TMCO4: variants seen among roughly 807,000 people sequenced by gnomAD.
TMCO4 encodes the protein transmembrane and coiled-coil domain-containing protein 4.
Under a neutral mutation model 64.7 loss-of-function variants are expected in TMCO4, and 58 were observed. That is an observed-to-expected ratio of 0.90 (90% confidence interval 0.73 to 1.12). The LOEUF (loss-of-function observed/expected upper bound fraction) is 1.12, where lower values mean the gene tolerates loss of function less well. Ranked by LOEUF, TMCO4 falls within the 50% of genes most tolerant of loss-of-function variation. The pLI, the probability that TMCO4 is intolerant of heterozygous loss-of-function variation, is 0.00. For missense variants in TMCO4, 780 were observed against 825.9 expected, an observed-to-expected ratio of 0.94 and a Z score of 0.68; for synonymous variants, 325 against 346.1, an observed-to-expected ratio of 0.94 and a Z score of 0.68.
intron 13 of TMCO4, among the ~76,000 whole-genome samples, chr1:19,714,944 T>TA (rs1172416453): frequency 1.3e-5 from 2 of 151,490 alleles, no homozygotes; most frequent in Non-Finnish European, 2.9e-5. Flanking sequence ...AATAAATAAA[T>TA]AAAAAATAAA....
chr1:19,799,587 C>T (rs764340761), intron 1 of TMCO4, among the ~76,000 whole-genome samples: 10 of 152,240 alleles, frequency 6.6e-5, no homozygotes, highest in Non-Finnish European at 1.3e-4. Context: ...CTCAGTTTCC[C>T]CCTCTGCCTC....
intron 13 of TMCO4, among the ~76,000 whole-genome samples, chr1:19,728,566 C>G (rs1021478120): frequency 1.3e-5 from 2 of 152,226 alleles, no homozygotes; most frequent in African/African-American, 4.8e-5. Flanking sequence ...GTCAAGGAGC[C>G]CAGAGCTTTG....
At position 19,682,813 on chromosome 1, in the gene TMCO4, C is replaced by G; in HGVS notation, c.*227G>C. On this transcript the variant is annotated 3_prime_UTR_variant, in exon 16 of 16. Transcript: ENST00000294543. The stretch of plus-strand genomic sequence containing the variant: ...GGTCTCTGATGAGGGGGCAGCTGCT[C>G]CCTGGTGGGGCTCCTCTGGGGACAG... The G allele has an allele frequency of 8.2e-6, 6 of 728,060 alleles. No individual in the cohort carries two copies. The highest frequency in any genetic ancestry group is 2.0e-5 in the Admixed American group (1 of 48,952). The allele number at this position is 728,060 out of a possible 1,614,324, so 45.1% of individuals were successfully genotyped here.
intron 4 of TMCO4, among the ~76,000 whole-genome samples, chr1:19,777,042 A>G (rs904801751): frequency 4.6e-5 from 7 of 151,740 alleles, no homozygotes; most frequent in South Asian, 4.1e-4. Flanking sequence ...AAAAAAAAAA[A>G]AAAAAAAGAA....
In TMCO4 at chr1:19,770,553, G is replaced by A. The variant is rs1365458584; in HGVS notation, c.371C>T (p.Ser124Leu). 1 of 1,613,800 alleles carries A rather than the reference G, an allele frequency of 6.2e-7. No individual in the cohort carries two copies. Among genetic ancestry groups the A allele is most frequent in the East Asian group, 2.2e-5 (1 of 44,884 alleles). Residue 124 changes from serine to leucine, a missense_variant, in exon 6 of 16, where the codon TCA becomes TTA. Transcript: ENST00000294543. ...GAAAATCAACTTACCATCCTTGAGT[G>A]AGAAGCTCAGAAGGTCCTGAGGGAG... ...TVITQDLLSFSLKDGHYDARA... is the reference protein window; with the variant it reads ...TVITQDLLSFLLKDGHYDARA...
At chr1:19,796,298 G>A (rs2044304067) in intron 2 of TMCO4, among the ~76,000 whole-genome samples, 1 of 152,164 alleles carries the variant, frequency 6.6e-6, no homozygotes, top group African/African-American at 2.4e-5. Flanking sequence ...TAAGGTGGGG[G>A]GTCAGGGGTT....
chr1:19,771,491 C>T lies in TMCO4; in HGVS notation c.180-9G>A. 6.2e-7 allele frequency: 1 copy of T among 1,612,722 alleles called. No individual in the cohort carries two copies. The highest frequency in any genetic ancestry group is 1.1e-5 in the South Asian group (1 of 90,948). Reference sequence around the variant, plus strand: ...ACTCTGTGCAGAAGGAGCTGAAAGGCAGACATGGCTTAGTTCTCCAGGATC... The same window carrying T: ...ACTCTGTGCAGAAGGAGCTGAAAGGTAGACATGGCTTAGTTCTCCAGGATC... On this transcript the variant is annotated splice_polypyrimidine_tract_variant and intron_variant, in intron 4 of 15. Coordinates refer to ENST00000294543, the MANE Select transcript of TMCO4 (RefSeq NM_181719.7).
intron 15 of TMCO4, 56 bp from the exon 16 acceptor site, chr1:19,683,500 AG>A: frequency 5.1e-6 from 8 of 1,583,560 alleles, no homozygotes; most frequent in Non-Finnish European, 6.9e-6. Context: ...AGCCCTCCCC[AG>A]GGACCTCCGG....
Position 19,771,448 on chromosome 1 carries a change from G to T in TMCO4, c.214C>A (p.Gln72Lys), listed in dbSNP as rs10917536. ...ACAGCTTCAGACAACTCCAGCCACT[G>T]CACCAGGCCTGCCATGAACTCTGTG... ...FCTEFMAGLV[Q>K]WLELSEAVLP... is the part of the protein sequence containing the mutation. Residue 72 changes from glutamine (Q) to lysine (K), a missense_variant, in exon 5 of 16, where the codon CAG becomes AAG. Coordinates refer to ENST00000294543, the MANE Select transcript of TMCO4 (RefSeq NM_181719.7). The T allele has an allele frequency of 0.35, 570,134 of 1,613,538 alleles. 101,639 individuals are homozygous for T. The highest frequency in any genetic ancestry group is 0.4 in the African/African-American group (30,043 of 74,896).
chr1:19,761,565 A>G (rs61768296), intron 6 of TMCO4, among the ~76,000 whole-genome samples: 17,840 of 152,230 alleles, frequency 0.12, 1,147 homozygotes, highest in Non-Finnish European at 0.13. Context: ...AGGTCAAATG[A>G]ACTTGAAACA....
chr1:19,693,164 CAAAAAAAAAAAAA>C (rs57031243), intron 15 of TMCO4, among the ~76,000 whole-genome samples: 893 of 19,968 alleles, frequency 0.045, 55 homozygotes, highest in African/African-American at 0.11. Flanking sequence ...GACCCCATCT[CAAAAAAAAAAAAA>C]AAAAAAAAAA....
At chr1:19,713,272 C>T (rs573052994) in intron 13 of TMCO4, among the ~76,000 whole-genome samples, 2 of 152,092 alleles carry the variant, frequency 1.3e-5, no homozygotes, top group Admixed American at 6.6e-5. Flanking sequence ...ATCAGTCTAC[C>T]ACAGATGTAC....
At chr1:19,776,381 G>A (rs953660114) in intron 4 of TMCO4, among the ~76,000 whole-genome samples, 5 of 152,190 alleles carry the variant, frequency 3.3e-5, no homozygotes, top group Non-Finnish European at 7.3e-5. Flanking sequence ...TGTGGAGTGG[G>A]GGTGGGAGAC....
At chr1:19,794,987 C>T (rs1384298642) in intron 2 of TMCO4, among the ~76,000 whole-genome samples, 8 of 151,614 alleles carry the variant, frequency 5.3e-5, no homozygotes, top group Non-Finnish European at 8.8e-5. Flanking sequence ...CCAGGGGCTG[C>T]GGGGAGGAGG....
At position 19,704,569 on chromosome 1, in the gene TMCO4, G is replaced by A. The variant is rs116086492; in HGVS notation, c.1265-3684C>T. ...ATCGTTGCTCCTACAGTGCCAAATGGTTGTGGACCCAGGGATAACCATGAG... is the reference window on the plus strand; with the variant it reads ...ATCGTTGCTCCTACAGTGCCAAATGATTGTGGACCCAGGGATAACCATGAG... On this transcript the variant is annotated intron_variant, in intron 13 of 15. Coordinates refer to ENST00000294543, the MANE Select transcript of TMCO4 (RefSeq NM_181719.7). Among the ~76,000 whole-genome samples, 251 of 152,344 alleles carry A rather than the reference G, an allele frequency of 1.6e-3. 1 individual carries two copies. Among genetic ancestry groups the A allele is most frequent in the African/African-American group, 5.6e-3 (232 of 41,590 alleles).
At chr1:19,721,922 G>A (rs574469615) in intron 13 of TMCO4, among the ~76,000 whole-genome samples, 4 of 152,292 alleles carry the variant, frequency 2.6e-5, no homozygotes, top group Admixed American at 1.3e-4. Context: ...AGGGGCCAGC[G>A]GCCTCCCTGG....
At chr1:19,722,195 T>C (rs1045499619) in intron 13 of TMCO4, among the ~76,000 whole-genome samples, 6 of 152,340 alleles carry the variant, frequency 3.9e-5, no homozygotes, top group Admixed American at 3.9e-4. Flanking sequence ...TTCAAACGTC[T>C]TTTGGAACCC....
chr1:19,780,885 A>C, intron 3 of TMCO4, 119 bp from the exon 4 acceptor site: 1 of 823,514 alleles, frequency 1.2e-6, no homozygotes, highest in Non-Finnish European at 1.8e-6. Flanking sequence ...AAAATGAAGA[A>C]CTTCTTTTCA....
chr1:19,719,150 C>T (rs1461726052), intron 13 of TMCO4, among the ~76,000 whole-genome samples: 1 of 152,184 alleles, frequency 6.6e-6, no homozygotes, highest in Non-Finnish European at 1.5e-5. Context: ...CCAGCCATGG[C>T]ATTCTCCTCA....
Sources: allele counts gnomAD v4.1 joint callset (sites outside exome capture counted in the v4.1 genomes callset), GRCh38; gene constraint gnomAD v4.1.1; transcripts MANE v1.5; gene names NCBI Gene and HGNC (gene_info 2026-07-23, HGNC 2026-07-21).